IL31RA: variants seen among roughly 807,000 people sequenced by gnomAD.
IL31RA encodes interleukin 31 receptor A, also known as interleukin-31 receptor subunit alpha.
Under a neutral mutation model 83.7 loss-of-function variants are expected in IL31RA, and 66 were observed. The observed-to-expected ratio is 0.79, with a 90% CI of 0.65 to 0.97. IL31RA has a LOEUF of 0.97. Among genes scored for constraint, IL31RA ranks in the 50% least tolerant of loss-of-function variants. The pLI is 0.00. For synonymous variants in IL31RA, 325 were observed against 329.0 expected (o/e 0.99, Z 0.13); for missense variants, 798 against 919.4 (o/e 0.87, Z 1.71).
rs1040932169 is a variant in IL31RA, at chr5:55,887,130, A to G, written c.607-2840A>G. On this transcript the variant is annotated intron_variant, in intron 5 of 14. Coordinates refer to ENST00000652347, the MANE Select transcript of IL31RA (RefSeq NM_139017.7). The stretch of plus-strand genomic sequence containing the variant: ...TTAACAAGACCCATATTTGTATGAT[A>G]TTATGAGTAACAAAGAGCTTCCTTA... Among the ~76,000 whole-genome samples, 18 of 152,254 alleles carry G rather than the reference A, an allele frequency of 1.2e-4. 1 individual carries two copies. The highest frequency in any genetic ancestry group is 2.4e-4 in the Non-Finnish European group (16 of 68,036).
intron 4 of IL31RA, among the ~76,000 whole-genome samples, chr5:55,875,049 C>T (rs1269096094): frequency 6.6e-6 from 1 of 152,110 alleles, no homozygotes; most frequent in Non-Finnish European, 1.5e-5. Context: ...TTTCCTTCCA[C>T]TCATAGTTTG....
Position 55,917,196 on chromosome 5 carries a change from G to A in IL31RA, c.*76G>A, listed in dbSNP as rs1443395418. ...CAGAGAAGATGTCAAGACTCGGCACGCAGCGCTTGCTTGGCCCTGCCACAT... is the reference window on the plus strand; with the variant it reads ...CAGAGAAGATGTCAAGACTCGGCACACAGCGCTTGCTTGGCCCTGCCACAT... On this transcript the variant is annotated 3_prime_UTR_variant, in exon 15 of 15. Coordinates refer to ENST00000652347, the MANE Select transcript of IL31RA (RefSeq NM_139017.7). The A allele has an allele frequency of 4.4e-6, 7 of 1,605,936 alleles. No homozygotes were observed. In the Admixed American group the frequency reaches 1.0e-4, roughly 23 times the overall value.
intron 5 of IL31RA, among the ~76,000 whole-genome samples, chr5:55,889,727 C>T (rs914683070): frequency 1.2e-4 from 19 of 152,142 alleles, no homozygotes; most frequent in African/African-American, 4.6e-4. Flanking sequence ...GAATCTCTGC[C>T]CCATAAGCTT....
chr5:55,886,268 C>CTTGCTTTTTTTT (rs1235138364), intron 5 of IL31RA, among the ~76,000 whole-genome samples: 1 of 71,502 alleles, frequency 1.4e-5, no homozygotes, highest in African/African-American at 7.3e-5. Flanking sequence ...TGCTTGCTTG[C>CTTGCTTTTTTTT]TTTTTTTTTT....
intron 6 of IL31RA, among the ~76,000 whole-genome samples, chr5:55,894,252 G>T (rs1043788889): frequency 6.6e-6 from 1 of 152,082 alleles, no homozygotes; most frequent in African/African-American, 2.4e-5. Flanking sequence ...TCCTTGGAAG[G>T]TCTAATGACT....
intron 12 of IL31RA, among the ~76,000 whole-genome samples, chr5:55,911,040 G>A (rs193057733): frequency 7.9e-5 from 12 of 152,252 alleles, no homozygotes; most frequent in East Asian, 1.9e-4. Flanking sequence ...TATAGGTTAC[G>A]GTATGTATTA....
intron 2 of IL31RA, among the ~76,000 whole-genome samples, chr5:55,867,185 G>GTT (rs758127722): frequency 1.2e-4 from 7 of 60,680 alleles, no homozygotes; most frequent in South Asian, 6.0e-4. Flanking sequence ...GTGTGCATGT[G>GTT]TGTTTGTGTG....
At chr5:55,885,757 C>A (rs1176859167) in intron 5 of IL31RA, among the ~76,000 whole-genome samples, 1 of 152,152 alleles carries the variant, frequency 6.6e-6, no homozygotes, top group Non-Finnish European at 1.5e-5. Flanking sequence ...CTTTCTAAGC[C>A]AGCTCTGGAA....
rs950097534 is a variant in IL31RA, at chr5:55,858,626, C to CT, written c.64-873dup. On this transcript the variant is annotated intron_variant, in intron 1 of 14. Coordinates refer to ENST00000652347, the MANE Select transcript of IL31RA (RefSeq NM_139017.7). Reference sequence around the variant, plus strand: ...AACTTATTTTGTAAAGAACCCTTTTCTTTTTTTTTTCTATAATGATCTGGC... The same window carrying CT: ...AACTTATTTTGTAAAGAACCCTTTTCTTTTTTTTTTTCTATAATGATCTGGC... Among the ~76,000 whole-genome samples, 110 of 149,092 alleles carry CT rather than the reference C, an allele frequency of 7.4e-4. No homozygotes were observed. The Middle Eastern group carries it at 0.017, about 24-fold the overall frequency.
intron 5 of IL31RA, among the ~76,000 whole-genome samples, chr5:55,887,830 A>G (rs999518016): frequency 1.3e-5 from 2 of 151,676 alleles, no homozygotes; most frequent in African/African-American, 4.9e-5. Flanking sequence ...GCTTGCAGTG[A>G]GCCGAGATCG....
In IL31RA at chr5:55,908,257, CT is replaced by C; in HGVS notation, c.1355-5del. The C allele has an allele frequency of 6.2e-7, 1 of 1,614,082 alleles. No homozygotes were observed. Among genetic ancestry groups the C allele is most frequent in the South Asian group, 1.1e-5 (1 of 91,076 alleles). On this transcript the variant is annotated splice_region_variant and splice_polypyrimidine_tract_variant and intron_variant, in intron 10 of 14. Transcript: ENST00000652347. ...AGTGATTATCATTTATCCCTCTGTC[CT>C]TTCCAGTTCCATCAGAAGGTCCTGA...
At position 55,913,410 on chromosome 5, in the gene IL31RA, T is replaced by C. The variant is rs375506408; in HGVS notation, c.1643-67T>C. On this transcript the variant is annotated intron_variant, in intron 12 of 14. Coordinates refer to ENST00000652347, the MANE Select transcript of IL31RA (RefSeq NM_139017.7). ...TTGCTGAAGCTACTAGAAGAAAAAG[T>C]TAATCATTGATTTTTGTCAAGAAGG... The C allele has an allele frequency of 1.6e-5, 16 of 979,930 alleles. No homozygotes were observed. The South Asian group carries it at 2.1e-4, about 13-fold the overall frequency. 60.7% of individuals were successfully genotyped at this position (979,930 alleles called of 1,614,324 possible).
chr5:55,906,208 G>A lies in IL31RA; in HGVS notation c.1172G>A (p.Trp391Ter). 6.2e-7 allele frequency: 1 copy of A among 1,614,168 alleles called. No homozygotes were observed. Among genetic ancestry groups the A allele is most frequent in the Non-Finnish European group, 8.5e-7 (1 of 1,180,022 alleles). ...ALDVNTWMIE[W>*]FPDVDSEPTT... ...GACGTGAACACTTGGATGATTGAATGGTTTCCGGATGTGGACTCAGAGCCC... is the reference window on the plus strand; with the variant it reads ...GACGTGAACACTTGGATGATTGAATAGTTTCCGGATGTGGACTCAGAGCCC... Residue 391 changes from tryptophan to a stop codon, truncating the protein, a stop_gained, in exon 9 of 15, where the codon TGG becomes TAG. Transcript: ENST00000652347. LOFTEE classifies it high-confidence loss of function.
In IL31RA at chr5:55,867,149, ATGTGTGTT is replaced by A. The variant is rs1242898764; in HGVS notation, c.155-1634_155-1627del. Among the ~76,000 whole-genome samples the A allele has an allele frequency of 7.0e-5, 5 of 71,180 alleles. 1 individual carries two copies. Among genetic ancestry groups the A allele is most frequent in the South Asian group, 4.7e-4 (1 of 2,134 alleles). The allele number at this position is 71,180 out of a possible 152,430, so 46.7% of individuals were successfully genotyped here. A position where few individuals can be genotyped will look rare whatever the true frequency, so the allele number is the denominator to read the frequency against. ...TGTGTGTGTGTGCATGTGTGTGTGCATGTGTGTTTGTGTGTGTGCATGTGTGTGTGCAT... is the reference window on the plus strand; with the variant it reads ...TGTGTGTGTGTGCATGTGTGTGTGCATGTGTGTGTGCATGTGTGTGTGCAT... On this transcript the variant is annotated intron_variant, in intron 2 of 14. Coordinates refer to ENST00000652347, the MANE Select transcript of IL31RA (RefSeq NM_139017.7).
intron 13 of IL31RA, among the ~76,000 whole-genome samples, chr5:55,914,406 T>C (rs1053182899): frequency 8.5e-5 from 13 of 152,206 alleles, no homozygotes; most frequent in Non-Finnish European, 1.9e-4. Flanking sequence ...AAAATGTTCA[T>C]TTCTAACAAG....
chr5:55,879,193 G>A (rs1359218608), intron 4 of IL31RA, among the ~76,000 whole-genome samples: 2 of 152,006 alleles, frequency 1.3e-5, no homozygotes, highest in Admixed American at 1.3e-4. Context: ...AAGTAAGTGT[G>A]CTCTGTTCTC....
intron 4 of IL31RA, among the ~76,000 whole-genome samples, chr5:55,873,708 G>T (rs1053681987): frequency 6.6e-6 from 1 of 151,992 alleles, no homozygotes; most frequent in Admixed American, 6.5e-5. Flanking sequence ...CTTCTCTGGA[G>T]AAATGCTTAT....
chr5:55,887,096 CAT>C (rs1352147907), intron 5 of IL31RA, among the ~76,000 whole-genome samples: 1 of 152,218 alleles, frequency 6.6e-6, no homozygotes, highest in Admixed American at 6.5e-5. Flanking sequence ...AAAATTCCAA[CAT>C]GTCCGTTTAA....
chr5:55,908,476 T>A, intron 11 of IL31RA, 65 bp downstream of exon 11: 1 of 1,614,062 alleles, frequency 6.2e-7, no homozygotes, highest in Non-Finnish European at 8.5e-7. Flanking sequence ...TGGATAGACC[T>A]GTTGTAGGCA....
Sources: allele counts gnomAD v4.1 joint callset (sites outside exome capture counted in the v4.1 genomes callset), GRCh38; gene constraint gnomAD v4.1.1; transcripts MANE v1.5; gene names NCBI Gene and HGNC (gene_info 2026-07-23, HGNC 2026-07-21).